The following SLC12A4 variants were observed in gnomAD, a reference collection of about 807,000 sequenced individuals.
SLC12A4 encodes solute carrier family 12 member 4.
In SLC12A4, 84 loss-of-function variants were observed where a neutral mutation model predicts 119.2. That is an observed-to-expected ratio of 0.70 (90% confidence interval 0.59 to 0.85). The LOEUF (loss-of-function observed/expected upper bound fraction) is 0.85, where lower values mean the gene tolerates loss of function less well. Ranked by LOEUF, SLC12A4 falls within the 40% of genes least tolerant of loss-of-function variation. The pLI is 0.00. For synonymous variants in SLC12A4, 599 were observed against 604.6 expected, an observed-to-expected ratio of 0.99 and a Z score of 0.14; for missense variants, 1,298 against 1,476.3, an observed-to-expected ratio of 0.88 and a Z score of 1.98.
intron 6 of SLC12A4, 59 bp from the exon 7 acceptor site, chr16:67,952,484 C>A (rs186990187): frequency 6.3e-7 from 1 of 1,598,106 alleles, no homozygotes; most frequent in Non-Finnish European, 8.6e-7. Flanking sequence ...TGAAACTTGT[C>A]GTTTTGGTTT....
At chr16:67,954,835 T>A in intron 5 of SLC12A4, 62 bp from the exon 6 acceptor site, 1 of 1,603,496 alleles carries the variant, frequency 6.2e-7, no homozygotes, top group Non-Finnish European at 8.5e-7. Context: ...GGGGTCTCCC[T>A]GTGACAAGCC....
At position 67,957,809 on chromosome 16, in the gene SLC12A4, G is replaced by C. The variant is rs755745026; in HGVS notation, c.490-13C>G. ...CCGTCAGCAGGGTCTGTGGGAAGGA[G>C]GGCCTGGGTGAGCGGCTCAGCTGGG... On this transcript the variant is annotated splice_polypyrimidine_tract_variant and intron_variant, in intron 4 of 23. Transcript: ENST00000316341. 6.2e-7 allele frequency: 1 copy of C among 1,614,076 alleles called. No individual in the cohort carries two copies. The highest frequency in any genetic ancestry group is 8.5e-7 in the Non-Finnish European group (1 of 1,180,058).
intron 13 of SLC12A4, among the ~76,000 whole-genome samples, chr16:67,948,464 G>C (rs1272214792): frequency 6.6e-6 from 1 of 152,236 alleles, no homozygotes; most frequent in African/African-American, 2.4e-5. Context: ...AGTGCCTGGA[G>C]ACTCTAGGCC....
chr16:67,951,726 C>A lies in SLC12A4; in HGVS notation c.1132+97G>T, dbSNP rs2029916786. On this transcript the variant is annotated intron_variant, in intron 8 of 23. Coordinates refer to ENST00000316341, the MANE Select transcript of SLC12A4 (RefSeq NM_005072.5). This position sits in a 1 kb window ranked among gnomAD's most constrained non-coding sequence, Gnocchi z 5.2. ...GGGCTGGGAAGGCGGCCAGTCCTGCCCCCGTTCCCAAGCTGGCCACACAAG... is the reference window on the plus strand; with the variant it reads ...GGGCTGGGAAGGCGGCCAGTCCTGCACCCGTTCCCAAGCTGGCCACACAAG... 32 of 1,150,556 alleles carry A rather than the reference C, an allele frequency of 2.8e-5. No homozygotes were observed. Among genetic ancestry groups the A allele is most frequent in the Non-Finnish European group, 3.7e-5 (30 of 806,722 alleles). 71.3% of individuals were successfully genotyped at this position (1,150,556 alleles called of 1,614,324 possible).
intron 2 of SLC12A4, among the ~76,000 whole-genome samples, 163 bp from the exon 3 acceptor site, chr16:67,961,869 G>A (rs1028522965): frequency 1.3e-5 from 2 of 152,202 alleles, no homozygotes; most frequent in African/African-American, 4.8e-5. Flanking sequence ...GGACAGGTGT[G>A]CACACCACAC....
At position 67,968,482 on chromosome 16, in the gene SLC12A4, A is replaced by G. The variant is rs2030963877; in HGVS notation, c.72T>C (p.Ser24=). The change falls in exon 1 of 24, where the codon AGT becomes AGC. Residue 24 remains serine (S), a synonymous_variant. Coordinates refer to ENST00000316341, the MANE Select transcript of SLC12A4 (RefSeq NM_005072.5). ...CGGCGCGCTCCCCGTAGTCCACCCA[A>G]CTGAGCCCCTCGAGGTTGTCATAGT... ...RGDYDNLEGL[S]WVDYGERAEL... is the part of the protein sequence containing the mutation. 11 of 1,586,664 alleles carry G rather than the reference A, an allele frequency of 6.9e-6. No homozygotes were observed. The highest frequency in any genetic ancestry group is 8.5e-6 in the Non-Finnish European group (10 of 1,170,696).
rs1221136707 is a variant in SLC12A4, at chr16:67,966,681, T to TA, written c.115+1757dup. 303 of 1,537,522 alleles carry TA rather than the reference T, an allele frequency of 2.0e-4. 1 individual carries two copies. Among genetic ancestry groups the TA allele is most frequent in the Non-Finnish European group, 2.6e-4 (295 of 1,135,964 alleles). On this transcript the variant is annotated intron_variant, in intron 1 of 23. Coordinates refer to ENST00000316341, the MANE Select transcript of SLC12A4 (RefSeq NM_005072.5). ...ACTGAACTGGGGAAGGGGCAGGAGATAGATCTGAGGCTCACTGTGCTTTGT... is the reference window on the plus strand; with the variant it reads ...ACTGAACTGGGGAAGGGGCAGGAGATAAGATCTGAGGCTCACTGTGCTTTGT...
chr16:67,964,276 TTGCCCCAGGCAAACCTCCGCCTAC>T (rs2030760082), intron 1 of SLC12A4, among the ~76,000 whole-genome samples: 1 of 152,218 alleles, frequency 6.6e-6, no homozygotes, highest in Non-Finnish European at 1.5e-5. Flanking sequence ...ATCCCGCCGC[TTGCCCCAGGCAAACCTCCGCCTAC>T]AGCCCTAGGC....
Position 67,951,782 on chromosome 16 carries a change from C to T in SLC12A4, c.1132+41G>A. ...CTCTGTGCTCTGTGCCCCTGCTCAG[C>T]CTGTGGGCTCAAGAGCAAGACGACG... On this transcript the variant is annotated intron_variant, in intron 8 of 23. Coordinates refer to ENST00000316341, the MANE Select transcript of SLC12A4 (RefSeq NM_005072.5). The surrounding 1 kb of genome is among the most constrained non-coding windows in gnomAD (Gnocchi z 5.2). The T allele has an allele frequency of 6.5e-7, 1 of 1,534,404 alleles. No individual in the cohort carries two copies.
chr16:67,967,542 C>T (rs1598236344), intron 1 of SLC12A4, among the ~76,000 whole-genome samples: 1 of 152,174 alleles, frequency 6.6e-6, no homozygotes. Context: ...CAGCCGTGTT[C>T]GTGCTCCGAG....
Position 67,948,107 on chromosome 16 carries a change from G to A in SLC12A4, c.1801C>T (p.Leu601Phe), listed in dbSNP as rs1409155166. 4 of 1,613,186 alleles carry A rather than the reference G, an allele frequency of 2.5e-6. No homozygotes were observed. The highest frequency in any genetic ancestry group is 3.4e-6 in the Non-Finnish European group (4 of 1,180,026). ...FVNLACAVQT[L>F]LRTPNWRPRF... ...GGCCGCCAGTTGGGGGTCCTCAGGAGTGTCTGCACCGCACAGGCGAGGTTC... is the reference window on the plus strand; with the variant it reads ...GGCCGCCAGTTGGGGGTCCTCAGGAATGTCTGCACCGCACAGGCGAGGTTC... The change falls in exon 14 of 24, where the codon CTC (leucine) becomes TTC (phenylalanine). Residue 601 changes from leucine to phenylalanine, a missense_variant. Transcript: ENST00000316341.
intron 13 of SLC12A4, among the ~76,000 whole-genome samples, chr16:67,948,931 T>G (rs2058382529): frequency 6.6e-6 from 1 of 152,076 alleles, no homozygotes; most frequent in South Asian, 2.1e-4. Flanking sequence ...CCCTGTCAAG[T>G]CTGCAGGCTG....
intron 1 of SLC12A4, among the ~76,000 whole-genome samples, chr16:67,967,040 G>A (rs2151342658): frequency 6.6e-6 from 1 of 152,342 alleles, no homozygotes; most frequent in East Asian, 1.9e-4. Context: ...CCCAGGGTTA[G>A]GGAAGCAGGA....
In SLC12A4 at chr16:67,952,506, G is replaced by T. The variant is rs1407809302; in HGVS notation, c.676-81C>A. 20 of 1,526,080 alleles carry T rather than the reference G, an allele frequency of 1.3e-5. No individual in the cohort carries two copies. In the Middle Eastern group the frequency reaches 8.5e-4, roughly 65 times the overall value. 94.5% of individuals were successfully genotyped at this position (1,526,080 alleles called of 1,614,324 possible). A position where few individuals can be genotyped will look rare whatever the true frequency, so the allele number is the denominator to read the frequency against. On this transcript the variant is annotated intron_variant, in intron 6 of 23. Transcript: ENST00000316341. ...TGTCGTTTTGGTTTTCTTTTTACGA[G>T]TACCTAAAAGAGGCCGGGCGCAGTG...
At chr16:67,963,443 C>T in intron 2 of SLC12A4, 22 bp downstream of exon 2, 1 of 1,543,456 alleles carries the variant, frequency 6.5e-7, no homozygotes, top group Non-Finnish European at 8.7e-7. Flanking sequence ...AAACCTGTGG[C>T]CCAAAATGGC....
Position 67,945,104 on chromosome 16 carries a change from C to T in SLC12A4, c.3149G>A (p.Ser1050Asn), listed in dbSNP as rs757068054. The T allele has an allele frequency of 6.3e-7, 1 of 1,586,894 alleles. No homozygotes were observed. Among genetic ancestry groups the T allele is most frequent in the Admixed American group, 1.8e-5 (1 of 56,602 alleles). The change falls in exon 23 of 24, where the codon AGT becomes AAT. Residue 1050 changes from serine (S) to asparagine (N), a missense_variant. Ser to Asn is a conservative substitution (Grantham distance 46). Transcript: ENST00000316341. ...LLNMPGPPRN[S>N]EGDENYMEFL... is the part of the protein sequence containing the mutation. ...AGGGATACAGTTCTCGTCGCCCTCA[C>T]TGTTCCTGGGTGGGCCAGGCATGTT... is the stretch of plus-strand genomic sequence containing the variant.
In SLC12A4 at chr16:67,946,999, C is replaced by T; in HGVS notation, c.2179G>A (p.Val727Ile). 6 of 1,613,272 alleles carry T rather than the reference C, an allele frequency of 3.7e-6. No homozygotes were observed. Among genetic ancestry groups the T allele is most frequent in the Non-Finnish European group, 5.1e-6 (6 of 1,180,024 alleles). Residue 727 changes from valine to isoleucine, a missense_variant, in exon 17 of 24, where the codon GTT becomes ATT. Transcript: ENST00000316341. ...QLKAGKGLTIVGSVIQGSFLE... is the reference protein window; with the variant it reads ...QLKAGKGLTIIGSVIQGSFLE... ...AAGCTCCCCTGGATGACAGAACCAA[C>T]AATGGTCAGGCCCTTGCCAGCCTTG...
rs762824072 is a variant in SLC12A4 at position 67,947,368 on chromosome 16, G to C, written c.2035C>G (p.Arg679Gly). 1.2e-6 allele frequency: 2 copies of C among 1,612,662 alleles called. No homozygotes were observed. The highest frequency in any genetic ancestry group is 1.7e-6 in the Non-Finnish European group (2 of 1,179,790). The change falls in exon 16 of 24, where the codon CGG becomes GGG. Residue 679 changes from arginine (R) to glycine (G), a missense_variant. Physicochemically the swap from Arg to Gly is moderately radical, Grantham distance 125. Transcript: ENST00000316341. The part of the protein sequence containing the change: ...SLSAARYALL[R>G]LEEGPPHTKN... ...GTGTGAGGAGGCCCCTCCTCCAGCC[G>C]CAACAGCGCGTAGCGGGCAGCGCTC...
chr16:67,945,700 C>G (rs1007732934), intron 21 of SLC12A4, 64 bp downstream of exon 21: 3 of 1,525,436 alleles, frequency 2.0e-6, no homozygotes, highest in Non-Finnish European at 1.8e-6. Context: ...CCGCACCCAC[C>G]GATGCGGTCT....
Sources: allele counts gnomAD v4.1 joint callset (sites outside exome capture counted in the v4.1 genomes callset), GRCh38; gene constraint gnomAD v4.1.1; non-coding constraint Gnocchi (gnomAD v3.1); transcripts MANE v1.5; gene names NCBI Gene and HGNC (gene_info 2026-07-23, HGNC 2026-07-21).